SORCS2: variants seen among roughly 807,000 people sequenced by gnomAD.
The protein encoded by SORCS2 is VPS10 domain-containing receptor SorCS2.
SORCS2 carries 100 observed loss-of-function variants against 141.6 expected under a neutral mutation model. The ratio of observed to expected loss-of-function variants is 0.71; its 90% CI spans 0.60 to 0.83. The LOEUF is 0.83. Among genes scored for constraint, SORCS2 ranks in the 40% least tolerant of loss-of-function variants. The pLI, the probability that SORCS2 is intolerant of heterozygous loss-of-function variation, is 0.00. For missense variants in SORCS2, 1,646 were observed against 1,560.2 expected (o/e 1.05, Z -0.93); for synonymous variants, 789 against 676.9 (o/e 1.17, Z -2.57).
chr4:7,600,437 TC>T (rs905043612), intron 3 of SORCS2, among the ~76,000 whole-genome samples: 2 of 151,996 alleles, frequency 1.3e-5, no homozygotes, highest in African/African-American at 4.8e-5. Flanking sequence ...AACAGCACCG[TC>T]CCCACCCAAG....
rs151208019 is a variant in SORCS2, at chr4:7,254,391, C to T, written c.480+61265C>T. Among the ~76,000 whole-genome samples, 111 of 152,210 alleles carry T rather than the reference C, an allele frequency of 7.3e-4. 1 individual carries two copies. The highest frequency in any genetic ancestry group is 2.4e-3 in the African/African-American group (101 of 41,504). On this transcript the variant is annotated intron_variant, in intron 1 of 26. Coordinates refer to ENST00000507866, the MANE Select transcript of SORCS2 (RefSeq NM_020777.3). The stretch of plus-strand genomic sequence containing the variant: ...CAGCAACATAGATGGAGCTGGAAAT[C>T]ATTATCTTAAGTGAAACAAGCAAGG...
chr4:7,222,081 G>A (rs10020153), intron 1 of SORCS2, among the ~76,000 whole-genome samples: 4,537 of 152,214 alleles, frequency 0.03, 231 homozygotes, highest in African/African-American at 0.1. Context: ...GGGAAAGGGC[G>A]TTTTGGGACC....
intron 1 of SORCS2, among the ~76,000 whole-genome samples, chr4:7,329,242 G>A (rs950293660): frequency 5.3e-5 from 8 of 152,224 alleles, no homozygotes; most frequent in African/African-American, 1.2e-4. Flanking sequence ...CGGGGCCTGG[G>A]AGGGCATGGT....
chr4:7,618,306 G>A (rs1015673076), intron 3 of SORCS2, among the ~76,000 whole-genome samples: 1 of 152,026 alleles, frequency 6.6e-6, no homozygotes, highest in South Asian at 2.1e-4. Context: ...CAAACCACGA[G>A]ACCTTTGTCC....
intron 1 of SORCS2, among the ~76,000 whole-genome samples, chr4:7,289,755 C>G (rs1716486327): frequency 1.3e-5 from 2 of 152,240 alleles, no homozygotes; most frequent in African/African-American, 4.8e-5. Context: ...AAGCTGTGAG[C>G]TGCAGAGGCG....
chr4:7,323,918 C>T (rs1311802556), intron 1 of SORCS2, among the ~76,000 whole-genome samples: 3 of 152,150 alleles, frequency 2.0e-5, no homozygotes, highest in African/African-American at 7.2e-5. Context: ...TGGTATACAC[C>T]ACACATCTCA....
chr4:7,261,267 C>T (rs566210336), intron 1 of SORCS2, among the ~76,000 whole-genome samples: 2 of 152,296 alleles, frequency 1.3e-5, no homozygotes, highest in East Asian at 1.9e-4. Context: ...GTGATTCTCT[C>T]GAGAGAATTT....
At chr4:7,677,889 G>A (rs1180451091) in intron 9 of SORCS2, among the ~76,000 whole-genome samples, 1 of 152,156 alleles carries the variant, frequency 6.6e-6, no homozygotes, top group South Asian at 2.1e-4. Flanking sequence ...CCTGCCCTCT[G>A]AGCCTCTAGG....
chr4:7,355,899 G>A (rs531524300), intron 1 of SORCS2, among the ~76,000 whole-genome samples: 1 of 152,336 alleles, frequency 6.6e-6, no homozygotes, highest in Admixed American at 6.5e-5. Flanking sequence ...CAGGCCCACT[G>A]GCAGGAGGCA....
chr4:7,661,392 C>T lies in SORCS2; in HGVS notation c.888-108C>T, dbSNP rs577322838. 5.1e-5 allele frequency: 59 copies of T among 1,159,760 alleles called. No individual in the cohort carries two copies. In the African/African-American group the frequency reaches 5.5e-4, roughly 11 times the overall value. 71.8% of individuals were successfully genotyped at this position (1,159,760 alleles called of 1,614,324 possible). A position where few individuals can be genotyped will look rare whatever the true frequency, so the allele number is the denominator to read the frequency against. On this transcript the variant is annotated intron_variant, in intron 5 of 26. Transcript: ENST00000507866. ...GCCCTCCGGACCCACAGAGCAAGGG[C>T]GGCTTCAGAACCAGGGAGGCCACGT...
At chr4:7,726,998 T>C in intron 21 of SORCS2, 95 bp downstream of exon 21, 2 of 1,367,150 alleles carry the variant, frequency 1.5e-6, no homozygotes, top group Non-Finnish European at 2.0e-6. Context: ...ATGGATGTCC[T>C]GGTCACCCTG....
chr4:7,355,625 G>T (rs538770655), intron 1 of SORCS2, among the ~76,000 whole-genome samples: 2 of 152,112 alleles, frequency 1.3e-5, no homozygotes, highest in Non-Finnish European at 2.9e-5. Flanking sequence ...GGGCTGAGGA[G>T]GTTTGCAACA....
intron 2 of SORCS2, among the ~76,000 whole-genome samples, chr4:7,515,285 G>A (rs1173773836): frequency 6.6e-6 from 1 of 152,232 alleles, no homozygotes; most frequent in Non-Finnish European, 1.5e-5. Context: ...CATGGGCCTC[G>A]GGCACGCACG....
At chr4:7,428,099 C>T (rs1726581185) in intron 2 of SORCS2, among the ~76,000 whole-genome samples, 1 of 152,174 alleles carries the variant, frequency 6.6e-6, no homozygotes, top group South Asian at 2.1e-4. Context: ...TGGGGTGGGG[C>T]CCATCTGCCC....
chr4:7,636,328 G>A (rs946724318), intron 3 of SORCS2, among the ~76,000 whole-genome samples: 4 of 152,234 alleles, frequency 2.6e-5, no homozygotes, highest in Admixed American at 2.6e-4. Context: ...TGCGGCGCCC[G>A]GTGCCTGTGT....
At chr4:7,365,948 G>C (rs1721855361) in intron 1 of SORCS2, among the ~76,000 whole-genome samples, 1 of 152,180 alleles carries the variant, frequency 6.6e-6, no homozygotes, top group Non-Finnish European at 1.5e-5. Flanking sequence ...ACAGCACCCA[G>C]CAAAACGAGC....
intron 1 of SORCS2, among the ~76,000 whole-genome samples, chr4:7,263,161 A>C (rs979279130): frequency 3.9e-5 from 6 of 152,220 alleles, no homozygotes; most frequent in Non-Finnish European, 8.8e-5. Flanking sequence ...CTCATGGGCA[A>C]ATGCAGGTGT....
chr4:7,388,958 A>C (rs1393562558), intron 1 of SORCS2, among the ~76,000 whole-genome samples: 2 of 152,186 alleles, frequency 1.3e-5, no homozygotes, highest in Admixed American at 1.3e-4. Flanking sequence ...TTTCCCATGC[A>C]CAGCACTTCG....
At chr4:7,226,948 G>A (rs1416121906) in intron 1 of SORCS2, among the ~76,000 whole-genome samples, 1 of 152,230 alleles carries the variant, frequency 6.6e-6, no homozygotes, top group African/African-American at 2.4e-5. Context: ...ATGCCGCCAT[G>A]TGGCTGAAGG....
Sources: gnomAD v4.1 joint callset for allele counts (sites outside exome capture counted in the v4.1 genomes callset) on GRCh38, gnomAD v4.1.1 for gene constraint, MANE v1.5 for transcripts, NCBI Gene and HGNC (gene_info 2026-07-23, HGNC 2026-07-21) for gene names.